The following ANKRD44 variants were observed in gnomAD, a reference collection of about 807,000 sequenced individuals.
ANKRD44 encodes the protein serine/threonine-protein phosphatase 6 regulatory ankyrin repeat subunit B.
ANKRD44 carries 35 observed loss-of-function variants against 116.0 expected under a neutral mutation model. The observed-to-expected ratio is 0.30, with a 90% confidence interval of 0.23 to 0.40. The LOEUF is 0.40. Among genes scored for constraint, ANKRD44 ranks in the 10% least tolerant of loss-of-function variants. The probability of loss-of-function intolerance (pLI) is 1.00; values close to 1 mark genes in which losing one functional copy is unlikely to be tolerated. For missense variants in ANKRD44, 1,014 were observed against 1,242.6 expected (o/e 0.82, Z 2.77); for synonymous variants, 435 against 461.8 (o/e 0.94, Z 0.74).
chr2:197,186,484 A>T (rs1043592684), intron 2 of ANKRD44, among the ~76,000 whole-genome samples: 1 of 151,690 alleles, frequency 6.6e-6, no homozygotes, highest in Admixed American at 6.6e-5. Flanking sequence ...TTTTTTTTTG[A>T]GGTAGGGTCT....
chr2:196,988,836 G>T lies in ANKRD44; in HGVS notation c.*755C>A. 1.0e-6 allele frequency: 1 copy of T among 985,370 alleles called. No homozygotes were observed. Among genetic ancestry groups the T allele is most frequent in the Non-Finnish European group, 1.2e-6 (1 of 829,930 alleles). 61.0% of individuals were successfully genotyped at this position (985,370 alleles called of 1,614,324 possible). A position where few individuals can be genotyped will look rare whatever the true frequency, so the allele number is the denominator to read the frequency against. On this transcript the variant is annotated 3_prime_UTR_variant, in exon 28 of 28. Coordinates refer to ENST00000282272, the MANE Select transcript of ANKRD44 (RefSeq NM_001195144.2). ...ACACACTGCCATCATTTCTCATCAGGTTACTGAGACTATGTGAGCTTTTCA... is the reference window on the plus strand; with the variant it reads ...ACACACTGCCATCATTTCTCATCAGTTTACTGAGACTATGTGAGCTTTTCA...
intron 17 of ANKRD44, among the ~76,000 whole-genome samples, chr2:197,021,039 C>T (rs928947968): frequency 3.3e-5 from 5 of 152,098 alleles, no homozygotes; most frequent in Non-Finnish European, 7.4e-5. Flanking sequence ...TGAGTGAGAA[C>T]ATGCAGTGTT....
intron 2 of ANKRD44, among the ~76,000 whole-genome samples, chr2:197,178,249 T>A (rs1461990690): frequency 6.6e-6 from 1 of 152,116 alleles, no homozygotes; most frequent in Non-Finnish European, 1.5e-5. Flanking sequence ...AACAGGAGGA[T>A]AACTTGAGGC....
chr2:197,161,469 G>T (rs1447881787), intron 2 of ANKRD44, among the ~76,000 whole-genome samples: 2 of 152,088 alleles, frequency 1.3e-5, no homozygotes, highest in Non-Finnish European at 2.9e-5. Context: ...AGAGGCCCTA[G>T]AATCCACACT....
intron 10 of ANKRD44, among the ~76,000 whole-genome samples, chr2:197,098,594 T>C (rs1048363561): frequency 6.6e-6 from 1 of 152,220 alleles, no homozygotes; most frequent in Admixed American, 6.5e-5. Flanking sequence ...CTACCTATTA[T>C]TAAATAATAA....
At chr2:197,036,895 T>C (rs932308992) in intron 16 of ANKRD44, among the ~76,000 whole-genome samples, 8 of 152,220 alleles carry the variant, frequency 5.3e-5, no homozygotes, top group Admixed American at 3.3e-4. Flanking sequence ...AGCCATTTAA[T>C]AGTGAAACAT....
intron 10 of ANKRD44, among the ~76,000 whole-genome samples, chr2:197,097,910 A>G (rs952268030): frequency 2.6e-5 from 4 of 152,020 alleles, no homozygotes; most frequent in African/African-American, 9.7e-5. Flanking sequence ...TTTCCTCCTC[A>G]TTTCTTTCCA....
intron 16 of ANKRD44, among the ~76,000 whole-genome samples, chr2:197,058,657 C>T (rs968483811): frequency 6.6e-6 from 1 of 152,166 alleles, no homozygotes; most frequent in Admixed American, 6.6e-5. Context: ...CTAATCACTA[C>T]TACAAGTCTG....
chr2:197,217,981 T>C (rs2081489427), intron 1 of ANKRD44, among the ~76,000 whole-genome samples: 1 of 152,170 alleles, frequency 6.6e-6, no homozygotes, highest in Admixed American at 6.5e-5. Flanking sequence ...TATTGATGGA[T>C]AGAATAAGAT....
chr2:197,122,526 A>C, intron 7 of ANKRD44, 124 bp downstream of exon 7: 1 of 1,334,486 alleles, frequency 7.5e-7, no homozygotes, highest in Non-Finnish European at 1.0e-6. Flanking sequence ...AAAACTCAAA[A>C]AGACAGGATG....
chr2:197,279,545 CCATA>C (rs1185131955), intron 1 of ANKRD44, among the ~76,000 whole-genome samples: 27 of 152,294 alleles, frequency 1.8e-4, no homozygotes, highest in African/African-American at 5.8e-4. Flanking sequence ...CCACTGTTGC[CCATA>C]CACACCCTCT....
intron 16 of ANKRD44, among the ~76,000 whole-genome samples, chr2:197,075,092 C>T (rs1177904093): frequency 6.6e-6 from 1 of 151,996 alleles, no homozygotes; most frequent in East Asian, 1.9e-4. Flanking sequence ...AGTGATTTGG[C>T]ATGAAAAAAT....
intron 16 of ANKRD44, among the ~76,000 whole-genome samples, chr2:197,039,667 TTGTGTGTGTGTGCG>T (rs781481988): frequency 3.3e-4 from 42 of 128,424 alleles, no homozygotes; most frequent in Non-Finnish European, 5.5e-4. Flanking sequence ...GTGGTGGTGA[TTGTGTGTGTGTGCG>T]TGTGTGTGTG....
At chr2:197,219,419 G>C (rs2081533779) in intron 1 of ANKRD44, among the ~76,000 whole-genome samples, 1 of 152,042 alleles carries the variant, frequency 6.6e-6, no homozygotes, top group Non-Finnish European at 1.5e-5. Context: ...TGTGGCATTA[G>C]GCACACTAAC....
At chr2:197,258,592 T>C (rs1056580672) in intron 1 of ANKRD44, among the ~76,000 whole-genome samples, 1 of 152,222 alleles carries the variant, frequency 6.6e-6, no homozygotes, top group African/African-American at 2.4e-5. Context: ...TCAATTCTTT[T>C]GGATATATAC....
chr2:197,307,760 C>A (rs888887469), intron 1 of ANKRD44, among the ~76,000 whole-genome samples: 4 of 152,160 alleles, frequency 2.6e-5, no homozygotes, highest in African/African-American at 9.7e-5. Flanking sequence ...CATCTGTCAC[C>A]CCTGACTTTT....
chr2:196,976,251 C>G (rs2125861805), intron 21 of ANKRD44, among the ~76,000 whole-genome samples: 1 of 152,182 alleles, frequency 6.6e-6, no homozygotes, highest in African/African-American at 2.4e-5. Flanking sequence ...ATTCTCCTGC[C>G]TCAGCCTCCC....
At chr2:197,168,310 A>G (rs1337153445) in intron 2 of ANKRD44, among the ~76,000 whole-genome samples, 2 of 152,210 alleles carry the variant, frequency 1.3e-5, no homozygotes, top group African/African-American at 4.8e-5. Context: ...GGTGGTTTTT[A>G]TACTGCAATA....
At chr2:197,009,335 G>A (rs183648715) in intron 18 of ANKRD44, among the ~76,000 whole-genome samples, 6 of 151,838 alleles carry the variant, frequency 4.0e-5, no homozygotes, top group Admixed American at 1.3e-4. Flanking sequence ...CAGGTGATCC[G>A]CCAGCCTCGG....
Sources: allele counts gnomAD v4.1 joint callset (sites outside exome capture counted in the v4.1 genomes callset), GRCh38; gene constraint gnomAD v4.1.1; transcripts MANE v1.5; gene names NCBI Gene and HGNC (gene_info 2026-07-23, HGNC 2026-07-21).